EDIL3: variants seen among roughly 807,000 people sequenced by gnomAD.
EDIL3 encodes EGF-like repeat and discoidin I-like domain-containing protein 3.
EDIL3 carries 37 observed loss-of-function variants against 67.4 expected under a neutral mutation model. The observed-to-expected ratio is 0.55, with a 90% CI of 0.42 to 0.72. The LOEUF (loss-of-function observed/expected upper bound fraction) is 0.72, where lower values mean the gene tolerates loss of function less well. EDIL3 is among the 30% of genes least tolerant of loss of function. EDIL3 has a pLI of 0.00. For synonymous variants in EDIL3, 195 were observed against 196.3 expected, an observed-to-expected ratio of 0.99 and a Z score of 0.05; for missense variants, 527 against 586.3, an observed-to-expected ratio of 0.90 and a Z score of 1.04.
intron 9 of EDIL3, among the ~76,000 whole-genome samples, chr5:84,051,530 G>A (rs887903858): frequency 6.6e-6 from 1 of 152,136 alleles, no homozygotes; most frequent in Non-Finnish European, 1.5e-5. Flanking sequence ...GAGGAAGTTC[G>A]AACCCATTGC....
At chr5:83,971,846 C>A (rs1320452934) in intron 9 of EDIL3, among the ~76,000 whole-genome samples, 1 of 152,020 alleles carries the variant, frequency 6.6e-6, no homozygotes, top group Non-Finnish European at 1.5e-5. Flanking sequence ...TTTATCTGGT[C>A]TAAAGCACAA....
intron 10 of EDIL3, among the ~76,000 whole-genome samples, chr5:83,956,944 T>C (rs926199282): frequency 1.3e-5 from 2 of 151,702 alleles, no homozygotes; most frequent in African/African-American, 4.8e-5. Flanking sequence ...AATAATATAA[T>C]GGTCTTCTTA....
chr5:83,991,285 T>C (rs1388469855), intron 9 of EDIL3, among the ~76,000 whole-genome samples: 3 of 152,126 alleles, frequency 2.0e-5, no homozygotes, highest in Admixed American at 6.6e-5. Context: ...ACATAAATAG[T>C]AAGATCTGAC....
At chr5:84,124,280 A>G (rs773448081) in intron 5 of EDIL3, among the ~76,000 whole-genome samples, 1 of 151,984 alleles carries the variant, frequency 6.6e-6, no homozygotes. Flanking sequence ...CCAAGTAACA[A>G]TATGTAAATA....
chr5:84,060,231 A>C, intron 9 of EDIL3, 69 bp downstream of exon 9: 1 of 1,563,250 alleles, frequency 6.4e-7, no homozygotes, highest in Non-Finnish European at 8.7e-7. Flanking sequence ...TCTGACACTC[A>C]CCTAATCAAC....
chr5:84,031,618 T>A (rs904246681), intron 9 of EDIL3, among the ~76,000 whole-genome samples: 1 of 152,218 alleles, frequency 6.6e-6, no homozygotes, highest in Admixed American at 6.5e-5. Flanking sequence ...GTCTACCATG[T>A]GAGGACACAT....
In EDIL3 at chr5:84,217,434, T is replaced by C. The variant is rs867508897; in HGVS notation, c.226+12421A>G. Among the ~76,000 whole-genome samples, 2 of 152,184 alleles carry C rather than the reference T, an allele frequency of 1.3e-5. 1 individual carries two copies. The highest frequency in any genetic ancestry group is 4.1e-4 in the South Asian group (2 of 4,832). On this transcript the variant is annotated intron_variant, in intron 3 of 10. Transcript: ENST00000296591. Reference sequence around the variant, plus strand: ...CTTCTTGGTCAAATGCTAGTATAGATATTGCTGTGAACATATTTTGTCGAT... The same window carrying C: ...CTTCTTGGTCAAATGCTAGTATAGACATTGCTGTGAACATATTTTGTCGAT...
At chr5:84,060,222 C>A in intron 9 of EDIL3, 78 bp downstream of exon 9, 1 of 1,532,672 alleles carries the variant, frequency 6.5e-7, no homozygotes, top group Non-Finnish European at 8.9e-7. Flanking sequence ...GGTAACGACT[C>A]TGACACTCAC....
chr5:84,297,026 C>T (rs1047014250), intron 1 of EDIL3, among the ~76,000 whole-genome samples: 1 of 151,706 alleles, frequency 6.6e-6, no homozygotes, highest in Non-Finnish European at 1.5e-5. Flanking sequence ...ACTAAATATA[C>T]AAAAAATTAG....
At chr5:84,031,083 TCTC>T (rs1352268258) in intron 9 of EDIL3, among the ~76,000 whole-genome samples, 1 of 152,156 alleles carries the variant, frequency 6.6e-6, no homozygotes. Context: ...TGTGTCCTAA[TCTC>T]CTCTTCTTTT....
At chr5:84,192,448 T>G (rs1236362367) in intron 3 of EDIL3, among the ~76,000 whole-genome samples, 1 of 152,014 alleles carries the variant, frequency 6.6e-6, no homozygotes, top group Non-Finnish European at 1.5e-5. Context: ...AGAACTTTGC[T>G]CAAATGACTC....
In EDIL3 at chr5:83,987,869, G is replaced by GTATATATATATATATA. The variant is rs34360330; in HGVS notation, c.1138-24525_1138-24510dup. Among the ~76,000 whole-genome samples the GTATATATATATATATA allele has an allele frequency of 5.2e-3, 716 of 138,336 alleles. 15 individuals carry two copies. Among genetic ancestry groups the GTATATATATATATATA allele is most frequent in the African/African-American group, 0.02 (683 of 34,406 alleles). The allele number at this position is 138,336 out of a possible 152,430, so 90.8% of individuals were successfully genotyped here. ...CAGCTGATAGGGTGTGTGTGTGTAT[G>GTATATATATATATATA]TATATATATATATATATATATATAG... On this transcript the variant is annotated intron_variant, in intron 9 of 10. Transcript: ENST00000296591.
intron 8 of EDIL3, among the ~76,000 whole-genome samples, chr5:84,062,482 CA>C (rs1212330752): frequency 6.6e-6 from 1 of 151,956 alleles, no homozygotes; most frequent in African/African-American, 2.4e-5. Context: ...TCTGCTTAGC[CA>C]AAAAATTCAC....
intron 9 of EDIL3, among the ~76,000 whole-genome samples, chr5:84,053,631 C>T (rs1044338117): frequency 2.6e-5 from 4 of 152,084 alleles, no homozygotes; most frequent in Non-Finnish European, 5.9e-5. Flanking sequence ...GGGATATCAC[C>T]ACTGATCCCA....
intron 5 of EDIL3, among the ~76,000 whole-genome samples, chr5:84,113,400 T>G (rs1383838738): frequency 6.6e-6 from 1 of 152,170 alleles, no homozygotes; most frequent in Non-Finnish European, 1.5e-5. Flanking sequence ...TGGAAGTGCC[T>G]TCTGACCTGA....
chr5:84,186,331 C>G (rs965425328), intron 3 of EDIL3, among the ~76,000 whole-genome samples: 1 of 151,894 alleles, frequency 6.6e-6, no homozygotes, highest in Non-Finnish European at 1.5e-5. Context: ...GAAGGTGTTT[C>G]CCCCACTAAT....
chr5:84,318,050 C>G (rs1233004086), intron 1 of EDIL3, among the ~76,000 whole-genome samples: 1 of 152,036 alleles, frequency 6.6e-6, no homozygotes, highest in Non-Finnish European at 1.5e-5. Flanking sequence ...GAGTAAAGTA[C>G]CATTCACAAT....
At chr5:83,976,396 A>T (rs1744877312) in intron 9 of EDIL3, among the ~76,000 whole-genome samples, 1 of 151,902 alleles carries the variant, frequency 6.6e-6, no homozygotes. Context: ...AGAGGGAAAT[A>T]ATAATAACAA....
chr5:84,277,549 T>C (rs989992789), intron 1 of EDIL3, among the ~76,000 whole-genome samples: 2 of 152,228 alleles, frequency 1.3e-5, no homozygotes, highest in South Asian at 2.1e-4. Context: ...GCTACACCAG[T>C]TGTTAAGATC....
Sources: gnomAD v4.1 joint callset for allele counts (sites outside exome capture counted in the v4.1 genomes callset) on GRCh38, gnomAD v4.1.1 for gene constraint, MANE v1.5 for transcripts, NCBI Gene and HGNC (gene_info 2026-07-23, HGNC 2026-07-21) for gene names.